Variants in PFKP observed in about 807,000 individuals in gnomAD.
PFKP encodes the protein ATP-dependent 6-phosphofructokinase, platelet type.
In PFKP, 101 loss-of-function variants were observed where a neutral mutation model predicts 94.3. That is an observed-to-expected ratio of 1.07 (90% confidence interval 0.91 to 1.26). The LOEUF (loss-of-function observed/expected upper bound fraction) is 1.26. PFKP is among the 50% of genes most tolerant of loss of function. The pLI is 0.00. For missense variants in PFKP, 1,145 were observed against 1,103.3 expected (o/e 1.04, Z -0.53); for synonymous variants, 573 against 432.6 (o/e 1.32, Z -4.03).
chr10:3,067,910 G>A (rs1022795223), intron 1 of PFKP, among the ~76,000 whole-genome samples: 14 of 152,178 alleles, frequency 9.2e-5, no homozygotes, highest in African/African-American at 3.4e-4. Flanking sequence ...GCCCGGAAGC[G>A]GCAGGGGTAC....
intron 3 of PFKP, chr10:3,100,859 G>A: frequency 5.0e-6 from 2 of 397,584 alleles, no homozygotes; most frequent in Non-Finnish European, 8.5e-6. Context: ...CGAGTATGTG[G>A]TGCAAAAAAA....
chr10:3,107,940 CCA>C, intron 8 of PFKP: 4 of 1,289,642 alleles, frequency 3.1e-6, no homozygotes, highest in Non-Finnish European at 4.0e-6. Flanking sequence ...GCTCCAGCAG[CCA>C]CGGGGCAGAA....
At position 3,136,651 on chromosome 10, in the gene PFKP, AGCACTT is replaced by A; in HGVS notation, c.*73_*78del. ...TTTGTAACACTTAAGTTATTTTATC[AGCACTT>A]TATGCACGTATTATTGACATTAATA... is the stretch of plus-strand genomic sequence containing the variant. On this transcript the variant is annotated 3_prime_UTR_variant, in exon 22 of 22. Transcript: ENST00000381125. The A allele has an allele frequency of 6.5e-7, 1 of 1,527,546 alleles. No homozygotes were observed. The highest frequency in any genetic ancestry group is 9.0e-7 in the Non-Finnish European group (1 of 1,114,066). 94.6% of individuals were successfully genotyped at this position (1,527,546 alleles called of 1,614,324 possible). A position where few individuals can be genotyped will look rare whatever the true frequency, so the allele number is the denominator to read the frequency against.
rs187446431 is a variant in PFKP, at chr10:3,101,977, C to T, written c.454+423C>T. ...CCTTTAAAACTGAAGTTGGGCCGGGCGCGGTGGCTCACGCCTGTAATCCCA... is the reference window on the plus strand; with the variant it reads ...CCTTTAAAACTGAAGTTGGGCCGGGTGCGGTGGCTCACGCCTGTAATCCCA... On this transcript the variant is annotated intron_variant, in intron 4 of 21. Transcript: ENST00000381125. Among the ~76,000 whole-genome samples, 488 of 150,878 alleles carry T rather than the reference C, an allele frequency of 3.2e-3. 2 individuals carry two copies. The highest frequency in any genetic ancestry group is 0.011 in the African/African-American group (439 of 41,442).
At chr10:3,113,611 C>A in intron 13 of PFKP, 93 bp downstream of exon 13, 2 of 1,010,674 alleles carry the variant, frequency 2.0e-6, no homozygotes, top group African/African-American at 1.6e-5. Flanking sequence ...GGCCCTCATA[C>A]CTTTTCATGC....
At chr10:3,105,325 G>A (rs1835427974) in intron 6 of PFKP, 68 bp from the exon 7 acceptor site, 4 of 1,396,434 alleles carry the variant, frequency 2.9e-6, no homozygotes, top group Non-Finnish European at 4.1e-6. Flanking sequence ...TCGCTGAGCG[G>A]GGTGCCTGGG....
intron 14 of PFKP, among the ~76,000 whole-genome samples, chr10:3,118,283 A>T (rs1837028711): frequency 1.3e-5 from 2 of 152,162 alleles, no homozygotes; most frequent in African/African-American, 2.4e-5. Context: ...CCTGGCCAAC[A>T]TGGTGAAACC....
At position 3,135,739 on chromosome 10, in the gene PFKP, A is replaced by T. The variant is rs778206017; in HGVS notation, c.2126A>T (p.Lys709Ile). 50 of 1,604,330 alleles carry T rather than the reference A, an allele frequency of 3.1e-5. No homozygotes were observed. In the South Asian group the frequency reaches 5.2e-4, roughly 17 times the overall value. ...TCTTTTTTAAAATCTTTTATAGGAA[A>T]AAAATTTACCACCGATGATTCCATT... ...AKLKEARGRG[K>I]KFTTDDSICV... The change falls in exon 21 of 22, where the codon AAA becomes ATA. Residue 709 changes from lysine to isoleucine, a missense_variant. Transcript: ENST00000381125.
chr10:3,132,297 G>A (rs1021744969), intron 17 of PFKP, 83 bp from the exon 18 acceptor site: 9 of 986,270 alleles, frequency 9.1e-6, no homozygotes, highest in Non-Finnish European at 1.4e-5. Context: ...CACTTGGTTG[G>A]CACTTCCCAG....
At chr10:3,079,913 G>A (rs1438066744) in intron 1 of PFKP, among the ~76,000 whole-genome samples, 1 of 151,090 alleles carries the variant, frequency 6.6e-6, no homozygotes, top group Non-Finnish European at 1.5e-5. Context: ...CCAAGGGGGC[G>A]GGAGGCTCTG....
chr10:3,116,728 G>A (rs1399990615), intron 13 of PFKP, 48 bp from the exon 14 acceptor site: 1 of 1,414,266 alleles, frequency 7.1e-7, no homozygotes, highest in Admixed American at 1.7e-5. Context: ...TTTGCAACTT[G>A]CCTTTCATTG....
At chr10:3,112,070 C>G in intron 10 of PFKP, 152 bp from the exon 11 acceptor site, 2 of 656,438 alleles carry the variant, frequency 3.0e-6, no homozygotes, top group Non-Finnish European at 5.6e-6. Flanking sequence ...ACTTGGCGGC[C>G]GGTCGTCTAG....
intron 16 of PFKP, among the ~76,000 whole-genome samples, chr10:3,120,651 G>C (rs1018640272): frequency 6.6e-6 from 1 of 152,056 alleles, no homozygotes; most frequent in African/African-American, 2.4e-5. Flanking sequence ...ATAAAACATA[G>C]AAATATATTC....
At chr10:3,121,826 TTTTTC>T (rs753038219) in intron 16 of PFKP, among the ~76,000 whole-genome samples, 5,408 of 30,310 alleles carry the variant, frequency 0.18, 354 homozygotes, top group South Asian at 0.2. Flanking sequence ...TTTTTTTTTT[TTTTTC>T]TTTTTTTGGA....
At chr10:3,099,185 G>A in intron 2 of PFKP, 90 bp from the exon 3 acceptor site, 2 of 1,034,914 alleles carry the variant, frequency 1.9e-6, no homozygotes, top group East Asian at 2.4e-5. Flanking sequence ...GACATTCACT[G>A]TCATTTTTCC....
chr10:3,099,096 T>G (rs1834745513), intron 2 of PFKP, among the ~76,000 whole-genome samples, 179 bp from the exon 3 acceptor site: 1 of 152,158 alleles, frequency 6.6e-6, no homozygotes. Flanking sequence ...GGACTCAAGG[T>G]GAGGACTTTC....
intron 13 of PFKP, 136 bp from the exon 14 acceptor site, chr10:3,116,640 T>A (rs992789187): frequency 2.8e-6 from 2 of 702,728 alleles, no homozygotes; most frequent in East Asian, 5.1e-5. Flanking sequence ...GGCATCGTGA[T>A]AAATGCTGTC....
chr10:3,080,159 GGGGAACTTGGGTTTTCTTCCAGTAGCCCT>G (rs1294316529), intron 1 of PFKP, among the ~76,000 whole-genome samples: 2 of 152,192 alleles, frequency 1.3e-5, no homozygotes, highest in Non-Finnish European at 2.9e-5. Context: ...CGGGAGCTCA[GGGGAACTTGGGTTTTCTTCCAGTAGCCCT>G]GGGAACCTGG....
intron 4 of PFKP, among the ~76,000 whole-genome samples, chr10:3,103,163 T>C (rs1447773833): frequency 1.3e-5 from 2 of 152,290 alleles, no homozygotes; most frequent in East Asian, 3.8e-4. Context: ...TGTCATTCTC[T>C]GAAGCTGTTG....
Sources: allele counts gnomAD v4.1 joint callset (sites outside exome capture counted in the v4.1 genomes callset), GRCh38; gene constraint gnomAD v4.1.1; transcripts MANE v1.5; gene names NCBI Gene and HGNC (gene_info 2026-07-23, HGNC 2026-07-21).